ZNF343: variants seen among roughly 807,000 people sequenced by gnomAD.
The protein encoded by ZNF343 is zinc finger protein 343.
In ZNF343, 11 loss-of-function variants were observed where a neutral mutation model predicts 13.8. The ratio of observed to expected loss-of-function variants is 0.80; its 90% CI spans 0.50 to 1.32. ZNF343 has a LOEUF of 1.32. Among genes scored for constraint, ZNF343 ranks in the 40% most tolerant of loss-of-function variants. The pLI is 0.00. For synonymous variants in ZNF343, 248 were observed against 260.0 expected (o/e 0.95, Z 0.44); for missense variants, 658 against 714.2 (o/e 0.92, Z 0.90).
chr20:2,510,082 G>A (rs536854911), upstream of ZNF343, among the ~76,000 whole-genome samples: 85 of 152,282 alleles, frequency 5.6e-4, no homozygotes, highest in Non-Finnish European at 1.0e-3. Context: ...CTCCAAACTC[G>A]TAACTGCCCG....
intron 1 of ZNF343, among the ~76,000 whole-genome samples, chr20:2,503,974 G>A (rs1012570617): frequency 5.3e-5 from 8 of 152,052 alleles, no homozygotes; most frequent in African/African-American, 1.7e-4. Context: ...CAGAACTGAC[G>A]GAAATAGAGA....
chr20:2,517,630 T>A (rs2085765152), intron 1 of ZNF343, among the ~76,000 whole-genome samples: 1 of 151,700 alleles, frequency 6.6e-6, no homozygotes, highest in Non-Finnish European at 1.5e-5. Flanking sequence ...GCCTTCCAAG[T>A]AACTGGGACT....
At position 2,484,588 on chromosome 20, in the gene ZNF343, T is replaced by G. The variant is rs2085253558; in HGVS notation, c.373A>C (p.Ser125Arg). ...AGGAAGATCTGAAGTACATGTTGAC[T>G]GAGGAACTGCTGACAGGAGAAGGCC... Reference protein sequence around the residue: ...LLAFSCQQFLSQHVLQIFLGL... With the variant: ...LLAFSCQQFLRQHVLQIFLGL... The change falls in exon 6 of 6, where the codon AGT becomes CGT. Residue 125 changes from serine to arginine, a missense_variant. Ser to Arg is a moderately radical substitution (Grantham distance 110, BLOSUM62 -1). Transcript: ENST00000278772. The G allele has an allele frequency of 6.2e-7, 1 of 1,613,898 alleles. No individual in the cohort carries two copies. Among genetic ancestry groups the G allele is most frequent in the South Asian group, 1.1e-5 (1 of 91,008 alleles).
intron 1 of ZNF343, among the ~76,000 whole-genome samples, chr20:2,519,416 T>A (rs2085773426): frequency 6.6e-6 from 1 of 152,168 alleles, no homozygotes; most frequent in Non-Finnish European, 1.5e-5. Flanking sequence ...GCCTTCAGAT[T>A]TGCCTCACCT....
intron 5 of ZNF343, among the ~76,000 whole-genome samples, chr20:2,487,365 A>C (rs902157765): frequency 6.6e-6 from 1 of 152,224 alleles, no homozygotes; most frequent in Non-Finnish European, 1.5e-5. Context: ...CAATCTCATT[A>C]GTTTCTGGTT....
chr20:2,485,408 A>G (rs1418453496), intron 5 of ZNF343, among the ~76,000 whole-genome samples: 17 of 152,230 alleles, frequency 1.1e-4, no homozygotes, highest in Admixed American at 1.1e-3. Context: ...TCACAACATG[A>G]TCTATCCAAC....
At position 2,484,616 on chromosome 20, in the gene ZNF343, A is replaced by G; in HGVS notation, c.345T>C (p.Leu115=). 6.2e-7 allele frequency: 1 copy of G among 1,609,972 alleles called. No homozygotes were observed. Among genetic ancestry groups the G allele is most frequent in the East Asian group, 2.2e-5 (1 of 44,848 alleles). The part of the protein sequence containing the change: ...KPEIYTCSSC[L]LAFSCQQFLS... ...GGAACTGCTGACAGGAGAAGGCCAGAAGGCAGGAGGAACAAGTGTAGATTT... is the reference window on the plus strand; with the variant it reads ...GGAACTGCTGACAGGAGAAGGCCAGGAGGCAGGAGGAACAAGTGTAGATTT... The change falls in exon 6 of 6, where the codon CTT becomes CTC. Residue 115 remains leucine, a synonymous_variant. Coordinates refer to ENST00000278772, the MANE Select transcript of ZNF343 (RefSeq NM_024325.6).
upstream of ZNF343, among the ~76,000 whole-genome samples, chr20:2,512,384 G>T (rs1193648815): frequency 6.6e-6 from 1 of 152,176 alleles, no homozygotes; most frequent in Non-Finnish European, 1.5e-5. Flanking sequence ...AAAGAATAAG[G>T]TTGGAGGACT....
chr20:2,483,187 G>GAT lies in ZNF343; in HGVS notation c.1772_1773dup (p.Leu592IlefsTer20), dbSNP rs1422444728. 6.2e-7 allele frequency: 1 copy of GAT among 1,611,282 alleles called. No individual in the cohort carries two copies. Among genetic ancestry groups the GAT allele is most frequent in the Admixed American group, 1.7e-5 (1 of 59,834 alleles). On this transcript the variant is annotated frameshift_variant, in exon 6 of 6. Coordinates refer to ENST00000278772, the MANE Select transcript of ZNF343 (RefSeq NM_024325.6). LOFTEE classifies it low-confidence loss of function (END_TRUNC). ...CAGTGTGTCCTCTGGTGTCTGATGAGATTTGACTTATGACTAAAGCCTCGC... is the reference window on the plus strand; with the variant it reads ...CAGTGTGTCCTCTGGTGTCTGATGAGATATTTGACTTATGACTAAAGCCTCGC...
chr20:2,494,539 C>A (rs1218804508), intron 2 of ZNF343, among the ~76,000 whole-genome samples: 3 of 152,020 alleles, frequency 2.0e-5, no homozygotes, highest in Non-Finnish European at 4.4e-5. Flanking sequence ...GAGGCCACGG[C>A]AAGCTAATCA....
chr20:2,492,675 G>A, intron 5 of ZNF343, 24 bp downstream of exon 5: 2 of 1,602,162 alleles, frequency 1.2e-6, no homozygotes, highest in Non-Finnish European at 1.7e-6. Flanking sequence ...AATTAATGAA[G>A]GAAAGGAAAG....
At position 2,483,469 on chromosome 20, in the gene ZNF343, A is replaced by G; in HGVS notation, c.1492T>C (p.Cys498Arg). ...SGEKHYVCRE[C>R]RRGFSQKSNL... Reference sequence around the variant, plus strand: ...GACTTCTGGCTAAAACCTCGCCTACACTCCCTGCAGACATAATGCTTCTCC... The same window carrying G: ...GACTTCTGGCTAAAACCTCGCCTACGCTCCCTGCAGACATAATGCTTCTCC... The change falls in exon 6 of 6, where the codon TGT becomes CGT. Residue 498 changes from cysteine to arginine, a missense_variant. Coordinates refer to ENST00000278772, the MANE Select transcript of ZNF343 (RefSeq NM_024325.6). The G allele has an allele frequency of 6.2e-7, 1 of 1,606,908 alleles. No homozygotes were observed. The highest frequency in any genetic ancestry group is 8.5e-7 in the Non-Finnish European group (1 of 1,178,272).
At position 2,492,799 on chromosome 20, in the gene ZNF343, AG is replaced by A. The variant is rs1374711530; in HGVS notation, c.203del (p.Thr68MetfsTer2). 6.2e-7 allele frequency: 1 copy of A among 1,613,744 alleles called. No homozygotes were observed. Among genetic ancestry groups the A allele is most frequent in the Non-Finnish European group, 8.5e-7 (1 of 1,180,000 alleles). On this transcript the variant is annotated frameshift_variant, in exon 5 of 6. Transcript: ENST00000278772. LOFTEE classifies it high-confidence loss of function. Reference protein sequence around the residue: ...IVVPVTFRDVTVIFTEAEWKR... With the variant: ...IVVPVTFRDVXVIFTEAEWKR... ...TCCATTCTGCTTCTGTGAAGATCAC[AG>A]TCACATCCCTGAATGTAACTGGTAC...
chr20:2,524,137 T>C (rs181682628), intron 1 of ZNF343, among the ~76,000 whole-genome samples: 35 of 152,042 alleles, frequency 2.3e-4, no homozygotes, highest in African/African-American at 8.2e-4. Flanking sequence ...CTGGGCAACA[T>C]AGTAAGACCC....
At chr20:2,493,623 C>T (rs201452015) in intron 3 of ZNF343, 46 bp from the exon 4 acceptor site, 1 of 930,138 alleles carries the variant, frequency 1.1e-6, no homozygotes, top group African/African-American at 2.1e-5. Context: ...CCCCCCACCC[C>T]CCACCCCCCA....
intron 2 of ZNF343, among the ~76,000 whole-genome samples, chr20:2,496,132 A>T (rs6083461): frequency 0.42 from 63,625 of 152,038 alleles, 13,585 homozygotes; most frequent in Non-Finnish European, 0.46. Flanking sequence ...TATCAGACGG[A>T]GATAAGTACT....
chr20:2,489,032 T>C (rs1386178227), intron 5 of ZNF343, among the ~76,000 whole-genome samples: 1 of 152,178 alleles, frequency 6.6e-6, no homozygotes, highest in Non-Finnish European at 1.5e-5. Context: ...ATGACAGACG[T>C]GAGACCCTGT....
chr20:2,500,098 A>G (rs896973338), intron 2 of ZNF343, among the ~76,000 whole-genome samples: 1 of 152,110 alleles, frequency 6.6e-6, no homozygotes, highest in Non-Finnish European at 1.5e-5. Flanking sequence ...ATACTCCAGC[A>G]GCAAAAACAA....
chr20:2,490,162 G>C (rs2085344073), intron 5 of ZNF343, among the ~76,000 whole-genome samples: 1 of 152,114 alleles, frequency 6.6e-6, no homozygotes, highest in African/African-American at 2.4e-5. Flanking sequence ...TTGCAGGCAA[G>C]GAGAAAGATG....
Sources: gnomAD v4.1 joint callset for allele counts (sites outside exome capture counted in the v4.1 genomes callset) on GRCh38, gnomAD v4.1.1 for gene constraint, MANE v1.5 for transcripts, NCBI Gene and HGNC (gene_info 2026-07-23, HGNC 2026-07-21) for gene names.